The following DPP6 variants were observed in gnomAD, a reference collection of about 807,000 sequenced individuals.
DPP6 encodes the protein A-type potassium channel modulatory protein DPP6.
DPP6 carries 69 observed loss-of-function variants against 122.6 expected under a neutral mutation model. That is an observed-to-expected ratio of 0.56 (90% CI 0.46 to 0.69). The LOEUF is 0.69. Ranked by LOEUF, DPP6 falls within the 30% of genes least tolerant of loss-of-function variation. The pLI, the probability that DPP6 is intolerant of heterozygous loss-of-function variation, is 0.00. For missense variants in DPP6, 928 were observed against 1,116.9 expected (o/e 0.83, Z 2.41); for synonymous variants, 418 against 433.1 (o/e 0.97, Z 0.43).
At chr7:153,837,338 A>G in the DPP6 span, among the ~76,000 whole-genome samples, 1 of 152,224 alleles carries the variant, frequency 6.6e-6, no homozygotes, top group African/African-American at 2.4e-5. Context: ...CACAAGTATT[A>G]TGATAACTAA....
intron 1 of DPP6, among the ~76,000 whole-genome samples, chr7:153,985,460 C>CG (rs914240674): frequency 6.6e-6 from 1 of 152,176 alleles, no homozygotes; most frequent in African/African-American, 2.4e-5. Context: ...CATTGCTCCC[C>CG]GGGTGGCCCA....
intron 1 of DPP6, among the ~76,000 whole-genome samples, chr7:154,377,454 T>G (rs1056648353): frequency 9.2e-5 from 14 of 152,152 alleles, no homozygotes; most frequent in African/African-American, 2.9e-4. Context: ...ATCATTGATA[T>G]GATTTGGCTC....
intron 1 of DPP6, among the ~76,000 whole-genome samples, chr7:154,193,100 T>C (rs992732464): frequency 3.3e-5 from 5 of 152,238 alleles, no homozygotes; most frequent in Admixed American, 6.5e-5. Flanking sequence ...GCCAACAAAC[T>C]ATCTCTCTCA....
chr7:154,122,851 G>A (rs150642785), intron 1 of DPP6, among the ~76,000 whole-genome samples: 9 of 151,074 alleles, frequency 6.0e-5, no homozygotes, highest in Admixed American at 2.0e-4. Flanking sequence ...ATCACTGTGC[G>A]CCCTTTGACC....
the DPP6 span, among the ~76,000 whole-genome samples, chr7:153,832,568 C>T: frequency 6.6e-6 from 1 of 152,132 alleles, no homozygotes; most frequent in African/African-American, 2.4e-5. Flanking sequence ...AGGCAGTTTG[C>T]CTGATGCCAA....
At chr7:154,889,196 T>G in intron 23 of DPP6, 76 bp from the exon 24 acceptor site, 1 of 1,547,434 alleles carries the variant, frequency 6.5e-7, no homozygotes, top group Non-Finnish European at 8.7e-7. Flanking sequence ...ACCTTCTCAG[T>G]CAGGTTTCCA....
chr7:154,468,218 C>A (rs1036047957), intron 2 of DPP6, among the ~76,000 whole-genome samples: 17 of 152,146 alleles, frequency 1.1e-4, no homozygotes, highest in Admixed American at 1.0e-3. Flanking sequence ...CAACAAAATG[C>A]ATATTGTATG....
intron 1 of DPP6, among the ~76,000 whole-genome samples, chr7:153,926,136 A>T (rs1423793491): frequency 1.3e-5 from 2 of 152,222 alleles, no homozygotes; most frequent in Non-Finnish European, 2.9e-5. Context: ...CTTCTAAGGT[A>T]GTTGACATTC....
intron 1 of DPP6, among the ~76,000 whole-genome samples, chr7:154,165,077 A>G (rs1042325909): frequency 1.3e-5 from 2 of 151,120 alleles, no homozygotes; most frequent in Admixed American, 6.6e-5. Flanking sequence ...ACATATGTAT[A>G]CATGTGCCAT....
intron 6 of DPP6, among the ~76,000 whole-genome samples, chr7:154,652,566 G>C (rs1037657902): frequency 6.6e-6 from 1 of 152,086 alleles, no homozygotes; most frequent in East Asian, 1.9e-4. Flanking sequence ...ACCTCCCTGT[G>C]TGTGTGTTGA....
intron 1 of DPP6, among the ~76,000 whole-genome samples, chr7:154,128,518 C>CA (rs957708792): frequency 6.6e-6 from 1 of 152,170 alleles, no homozygotes; most frequent in Non-Finnish European, 1.5e-5. Flanking sequence ...TCTCCTGCCT[C>CA]AGCCTCCCGA....
chr7:154,309,364 C>T (rs1806653204), intron 1 of DPP6, among the ~76,000 whole-genome samples: 1 of 151,868 alleles, frequency 6.6e-6, no homozygotes, highest in African/African-American at 2.4e-5. Flanking sequence ...AGCCCCAGGA[C>T]CTAGTATTAA....
At chr7:153,796,675 G>C in the DPP6 span, among the ~76,000 whole-genome samples, 2 of 152,152 alleles carry the variant, frequency 1.3e-5, no homozygotes, top group Non-Finnish European at 2.9e-5. Context: ...TGATCTCTGG[G>C]GGTGGGTGGC....
chr7:154,377,957 A>G (rs897708203), intron 1 of DPP6, among the ~76,000 whole-genome samples: 5 of 152,192 alleles, frequency 3.3e-5, no homozygotes, highest in Non-Finnish European at 7.3e-5. Context: ...TTGTTATGCA[A>G]AGGGGAGCCT....
At chr7:153,801,577 C>T in the DPP6 span, among the ~76,000 whole-genome samples, 13 of 152,112 alleles carry the variant, frequency 8.5e-5, no homozygotes, top group African/African-American at 1.4e-4. Context: ...CCACTCCAGC[C>T]GCTCTGCTGG....
In DPP6 at chr7:154,134,022, G is replaced by T. The variant is rs566130354; in HGVS notation, c.243+80959G>T. On this transcript the variant is annotated intron_variant, in intron 1 of 25. Coordinates refer to ENST00000377770, the MANE Select transcript of DPP6 (RefSeq NM_130797.4). ...ACTTTGTGGAAACTTGTGGCTGCAG[G>T]TTCAAAAGGCTAATTTGGTTTTCCA... 5.3e-3 allele frequency among the ~76,000 whole-genome samples: 804 copies of T among 151,800 alleles called. 9 individuals carry two copies. The highest frequency in any genetic ancestry group is 0.018 in the African/African-American group (755 of 41,382).
At chr7:154,500,674 G>A (rs1365859905) in intron 3 of DPP6, among the ~76,000 whole-genome samples, 1 of 152,222 alleles carries the variant, frequency 6.6e-6, no homozygotes, top group Non-Finnish European at 1.5e-5. Flanking sequence ...CCCCAGCCAC[G>A]TGGAACTGTA....
Position 154,608,494 on chromosome 7 carries a change from A to ATTTT in DPP6, c.628-29316_628-29313dup, listed in dbSNP as rs59406009. Among the ~76,000 whole-genome samples, 1,778 of 138,572 alleles carry ATTTT rather than the reference A, an allele frequency of 0.013. 127 individuals are homozygous for ATTTT. In the East Asian group the frequency reaches 0.2, roughly 16 times the overall value. The allele number at this position is 138,572 out of a possible 152,430, so 90.9% of individuals were successfully genotyped here. On this transcript the variant is annotated intron_variant, in intron 5 of 25. Coordinates refer to ENST00000377770, the MANE Select transcript of DPP6 (RefSeq NM_130797.4). ...AGGAGCGTGCCACTACACCTGGCTA[A>ATTTT]TTTTTTTTTTTTTTGTATTTTTAGT... is the stretch of plus-strand genomic sequence containing the variant.
intron 1 of DPP6, among the ~76,000 whole-genome samples, chr7:154,400,506 AT>A (rs1411886776): frequency 2.0e-5 from 3 of 152,198 alleles, no homozygotes; most frequent in Non-Finnish European, 4.4e-5. Flanking sequence ...CACTGGGGCC[AT>A]TTTAGCGGCT....
Sources: allele counts gnomAD v4.1 joint callset (sites outside exome capture counted in the v4.1 genomes callset), GRCh38; gene constraint gnomAD v4.1.1; transcripts MANE v1.5; gene names NCBI Gene and HGNC (gene_info 2026-07-23, HGNC 2026-07-21).